The following SLC22A23 variants were observed in gnomAD, a reference collection of about 807,000 sequenced individuals.
The protein encoded by SLC22A23 is ion transporter protein.
SLC22A23 carries 26 observed loss-of-function variants against 61.0 expected under a neutral mutation model. The observed-to-expected ratio is 0.43, with a 90% CI of 0.31 to 0.59. The LOEUF (loss-of-function observed/expected upper bound fraction) is 0.59, where lower values mean the gene tolerates loss of function less well. SLC22A23 is among the 20% of genes least tolerant of loss of function. The pLI is 0.11. For missense variants in SLC22A23, 796 were observed against 934.7 expected (o/e 0.85, Z 1.94); for synonymous variants, 430 against 413.9 (o/e 1.04, Z -0.47).
Position 3,272,886 on chromosome 6 carries a change from C to T in SLC22A23, c.*169G>A, listed in dbSNP as rs1758564033. On this transcript the variant is annotated 3_prime_UTR_variant, in exon 10 of 10. Transcript: ENST00000406686. The stretch of plus-strand genomic sequence containing the variant: ...TTATTTCCAAAGAGTTTGTCTCCTC[C>T]GACCCGCGCTCCTTGGACTTTTGGA... The T allele has an allele frequency of 2.2e-5, 13 of 578,604 alleles. No homozygotes were observed. Among genetic ancestry groups the T allele is most frequent in the South Asian group, 1.3e-4 (5 of 38,298 alleles). The allele number at this position is 578,604 out of a possible 1,614,324, so 35.8% of individuals were successfully genotyped here.
chr6:3,439,792 C>G (rs6924205), intron 1 of SLC22A23, among the ~76,000 whole-genome samples: 1 of 151,720 alleles, frequency 6.6e-6, no homozygotes, highest in African/African-American at 2.4e-5. Context: ...GGGTGGGAAA[C>G]GGGAAGGGAG....
At chr6:3,284,661 C>CT (rs1759801130) in intron 8 of SLC22A23, among the ~76,000 whole-genome samples, 1 of 152,208 alleles carries the variant, frequency 6.6e-6, no homozygotes, top group Non-Finnish European at 1.5e-5. Flanking sequence ...TCCCCATGGG[C>CT]TGCAGGGCAG....
intron 1 of SLC22A23, among the ~76,000 whole-genome samples, chr6:3,420,060 C>T (rs572473908): frequency 6.6e-6 from 1 of 152,296 alleles, no homozygotes; most frequent in African/African-American, 2.4e-5. Context: ...ACTAAAGTCA[C>T]AGCCTCATTT....
intron 3 of SLC22A23, among the ~76,000 whole-genome samples, chr6:3,382,390 C>T (rs913841265): frequency 2.6e-5 from 4 of 152,238 alleles, no homozygotes; most frequent in Admixed American, 6.5e-5. Context: ...GATGCACTTA[C>T]GCCCTAGTCT....
intron 1 of SLC22A23, among the ~76,000 whole-genome samples, chr6:3,440,257 C>T (rs1771503876): frequency 6.6e-6 from 1 of 152,170 alleles, no homozygotes; most frequent in Non-Finnish European, 1.5e-5. Flanking sequence ...CTGTCATGAG[C>T]TGTACTGTCC....
intron 9 of SLC22A23, among the ~76,000 whole-genome samples, chr6:3,283,055 C>A (rs1759621284): frequency 6.6e-6 from 1 of 152,182 alleles, no homozygotes. Flanking sequence ...GGCTCTCCAT[C>A]CATGTTTCTT....
chr6:3,401,688 T>C (rs966853635), intron 3 of SLC22A23, among the ~76,000 whole-genome samples: 11 of 152,200 alleles, frequency 7.2e-5, no homozygotes, highest in South Asian at 2.1e-4. Flanking sequence ...GGTCTGACTC[T>C]CCACTGACCA....
intron 3 of SLC22A23, among the ~76,000 whole-genome samples, chr6:3,343,580 A>C (rs1764268326): frequency 6.6e-6 from 1 of 152,232 alleles, no homozygotes; most frequent in Non-Finnish European, 1.5e-5. Flanking sequence ...TAATGAGACC[A>C]GCTCTTAACA....
intron 4 of SLC22A23, chr6:3,312,626 T>C (rs909799850): frequency 6.6e-6 from 1 of 152,190 alleles, no homozygotes; most frequent in African/African-American, 2.4e-5. Flanking sequence ...GTACTGGCCA[T>C]GTGGTCTGCC....
chr6:3,289,375 G>A (rs1417484430), intron 6 of SLC22A23, among the ~76,000 whole-genome samples: 1 of 152,252 alleles, frequency 6.6e-6, no homozygotes, highest in East Asian at 1.9e-4. Flanking sequence ...GTTCAGGAAG[G>A]GCGGGGCCGG....
chr6:3,284,796 C>T (rs984574866), intron 8 of SLC22A23: 29 of 1,064,222 alleles, frequency 2.7e-5, no homozygotes, highest in Middle Eastern at 2.8e-4. Flanking sequence ...ATGTTGGCGC[C>T]GGGCCAGGGC....
intron 3 of SLC22A23, among the ~76,000 whole-genome samples, chr6:3,373,591 C>A (rs1766361572): frequency 6.7e-6 from 1 of 150,296 alleles, no homozygotes. Context: ...CTATACCCAC[C>A]CTAAATCAAA....
chr6:3,380,405 T>C (rs1355025806), intron 3 of SLC22A23, among the ~76,000 whole-genome samples: 1 of 152,226 alleles, frequency 6.6e-6, no homozygotes, highest in African/African-American at 2.4e-5. Flanking sequence ...CTAATTTGGA[T>C]GCATCAGCTA....
At chr6:3,336,569 C>T (rs758278107) in intron 3 of SLC22A23, among the ~76,000 whole-genome samples, 1 of 152,224 alleles carries the variant, frequency 6.6e-6, no homozygotes, top group South Asian at 2.1e-4. Flanking sequence ...CAGGTGGCTG[C>T]AAGCCCTACA....
chr6:3,444,797 G>A, intron 1 of SLC22A23: 1 of 985,620 alleles, frequency 1.0e-6, no homozygotes, highest in African/African-American at 1.7e-5. Context: ...CTGGATGCAG[G>A]CTTCCTGTCT....
At chr6:3,373,881 G>A (rs897597261) in intron 3 of SLC22A23, among the ~76,000 whole-genome samples, 6 of 152,212 alleles carry the variant, frequency 3.9e-5, no homozygotes, top group Non-Finnish European at 7.3e-5. Context: ...CTCATCTGGT[G>A]CCCACTACGT....
At position 3,455,894 on chromosome 6, in the gene SLC22A23, T is replaced by G; in HGVS notation, c.654+12A>C. 1 of 1,483,830 alleles carries G rather than the reference T, an allele frequency of 6.7e-7. No individual in the cohort carries two copies. Among genetic ancestry groups the G allele is most frequent in the South Asian group, 1.3e-5 (1 of 74,178 alleles). 91.9% of individuals were successfully genotyped at this position (1,483,830 alleles called of 1,614,324 possible). ...GAGAGGGTTGGAGGGACTGGGCGGC[T>G]GCGGCCCTTACCTTGCTGACCACGT... On this transcript the variant is annotated intron_variant, in intron 1 of 9. Coordinates refer to ENST00000406686, the MANE Select transcript of SLC22A23 (RefSeq NM_015482.2).
At chr6:3,403,358 A>AC (rs1270879094) in intron 3 of SLC22A23, among the ~76,000 whole-genome samples, 2 of 152,028 alleles carry the variant, frequency 1.3e-5, no homozygotes, top group Admixed American at 1.3e-4. Flanking sequence ...GTGGAAAAAA[A>AC]AAAAACTCCC....
At chr6:3,293,851 T>C (rs956413329) in intron 5 of SLC22A23, among the ~76,000 whole-genome samples, 1 of 152,120 alleles carries the variant, frequency 6.6e-6, no homozygotes, top group African/African-American at 2.4e-5. Flanking sequence ...AGCTCTGTCA[T>C]TGCTAGGGGT....
Sources: gnomAD v4.1 joint callset for allele counts (sites outside exome capture counted in the v4.1 genomes callset) on GRCh38, gnomAD v4.1.1 for gene constraint, MANE v1.5 for transcripts, NCBI Gene and HGNC (gene_info 2026-07-23, HGNC 2026-07-21) for gene names.